Variants in NOL4 observed in about 807,000 individuals in gnomAD.
NOL4 encodes nucleolar protein 4, also known as cancer/testis antigen 125.
In NOL4, 17 loss-of-function variants were observed where a neutral mutation model predicts 75.9. That is an observed-to-expected ratio of 0.22 (90% confidence interval 0.15 to 0.34). The LOEUF is 0.34. Among genes scored for constraint, NOL4 ranks in the 10% least tolerant of loss-of-function variants. The pLI is 1.00. For synonymous variants in NOL4, 292 were observed against 289.9 expected (o/e 1.01, Z -0.07); for missense variants, 614 against 793.5 (o/e 0.77, Z 2.72).
chr18:33,957,843 C>T lies in NOL4; in HGVS notation c.1237-326G>A, dbSNP rs531240779. The stretch of plus-strand genomic sequence containing the variant: ...TTACAATCTCTATTAATGATGAATA[C>T]GACTGTTACATTGCTACACTGCACA... On this transcript the variant is annotated intron_variant, in intron 7 of 10. Coordinates refer to ENST00000261592, the MANE Select transcript of NOL4 (RefSeq NM_003787.5). Among the ~76,000 whole-genome samples, 129 of 152,218 alleles carry T rather than the reference C, an allele frequency of 8.5e-4. 1 individual carries two copies. The highest frequency in any genetic ancestry group is 1.6e-3 in the Non-Finnish European group (108 of 68,018).
intron 9 of NOL4, among the ~76,000 whole-genome samples, chr18:33,915,352 G>C (rs1449255537): frequency 2.0e-5 from 3 of 152,090 alleles, no homozygotes; most frequent in African/African-American, 7.2e-5. Context: ...CTGTTGTAAA[G>C]GGAAAGAGAA....
intron 1 of NOL4, among the ~76,000 whole-genome samples, chr18:34,203,683 TCC>T (rs1341203936): frequency 8.2e-5 from 10 of 121,906 alleles, no homozygotes; most frequent in South Asian, 6.0e-4. Flanking sequence ...TCTCTCTCTC[TCC>T]CTCTCTCTCT....
intron 5 of NOL4, among the ~76,000 whole-genome samples, chr18:34,089,975 G>A (rs1022403453): frequency 3.3e-5 from 5 of 151,600 alleles, no homozygotes; most frequent in Non-Finnish European, 7.4e-5. Context: ...CCCTAATATA[G>A]GAAGCTCTAA....
At chr18:33,934,097 C>A (rs537917658) in intron 9 of NOL4, among the ~76,000 whole-genome samples, 29 of 151,016 alleles carry the variant, frequency 1.9e-4, no homozygotes, top group Non-Finnish European at 3.4e-4. Flanking sequence ...TCCATCAGAG[C>A]TCTTGGGTGA....
In NOL4 at chr18:34,105,057, T is replaced by A; in HGVS notation, c.518A>T (p.Asp173Val). Residue 173 changes from aspartate to valine, a missense_variant, in exon 3 of 11, where the codon GAT (aspartate) becomes GTT (valine). This residue lies in a region of NOL4 where 135 missense variants were observed against 220.4 expected (regional missense o/e 0.61). Coordinates refer to ENST00000261592, the MANE Select transcript of NOL4 (RefSeq NM_003787.5). Reference sequence around the variant, plus strand: ...TTTGACACTGCAGCTACCTTTATGATCTGTTCCATCTGGGTTTAAATGCAT... The same window carrying A: ...TTTGACACTGCAGCTACCTTTATGAACTGTTCCATCTGGGTTTAAATGCAT... ...KRMHLNPDGTDHKDNGKPPTL... is the reference protein window; with the variant it reads ...KRMHLNPDGTVHKDNGKPPTL... 6.3e-7 allele frequency: 1 copy of A among 1,599,436 alleles called. No individual in the cohort carries two copies. The highest frequency in any genetic ancestry group is 1.7e-4 in the Middle Eastern group (1 of 6,038).
At chr18:33,959,184 C>T (rs779570831) in intron 6 of NOL4, among the ~76,000 whole-genome samples, 3 of 152,052 alleles carry the variant, frequency 2.0e-5, no homozygotes, top group Non-Finnish European at 4.4e-5. Context: ...AATAATTAAA[C>T]ATCTGAAAAA....
intron 1 of NOL4, among the ~76,000 whole-genome samples, chr18:34,144,437 T>G (rs2081316993): frequency 6.6e-6 from 1 of 152,080 alleles, no homozygotes; most frequent in East Asian, 1.9e-4. Flanking sequence ...CTCAAAAAAC[T>G]AACTCATCTA....
chr18:34,062,000 G>A lies in NOL4; in HGVS notation c.772+31465C>T, dbSNP rs910061582. Among the ~76,000 whole-genome samples the A allele has an allele frequency of 3.3e-5, 5 of 152,076 alleles. No homozygotes were observed. The South Asian group carries it at 6.2e-4, about 19-fold the overall frequency. Reference sequence around the variant, plus strand: ...CAGAATGACATATACTGAGAGAGACGTTAAGCCTACCAAGATAGGAAAAAA... The same window carrying A: ...CAGAATGACATATACTGAGAGAGACATTAAGCCTACCAAGATAGGAAAAAA... On this transcript the variant is annotated intron_variant, in intron 5 of 10. Transcript: ENST00000261592.
intron 6 of NOL4, among the ~76,000 whole-genome samples, chr18:33,974,298 C>G (rs2071320875): frequency 6.6e-6 from 1 of 152,170 alleles, no homozygotes; most frequent in Non-Finnish European, 1.5e-5. Context: ...TAGGGACTTG[C>G]TCTGGAATAG....
intron 8 of NOL4, among the ~76,000 whole-genome samples, chr18:33,946,545 T>C (rs1158136173): frequency 6.6e-6 from 1 of 151,760 alleles, no homozygotes; most frequent in African/African-American, 2.4e-5. Flanking sequence ...CCTAGTGAAC[T>C]ATTATTCACA....
intron 1 of NOL4, among the ~76,000 whole-genome samples, chr18:34,134,346 A>G (rs2080794067): frequency 6.6e-6 from 1 of 151,888 alleles, no homozygotes; most frequent in African/African-American, 2.4e-5. Context: ...ATTTAAAAAT[A>G]TAATTAAAAA....
chr18:33,884,074 C>T (rs1306422107), intron 9 of NOL4, among the ~76,000 whole-genome samples: 1 of 152,006 alleles, frequency 6.6e-6, no homozygotes, highest in African/African-American at 2.4e-5. Context: ...GTACTGCACA[C>T]TTGGAAAATG....
intron 1 of NOL4, chr18:34,222,510 G>A (rs1325815930): frequency 1.1e-6 from 1 of 934,026 alleles, no homozygotes; most frequent in African/African-American, 1.8e-5. Flanking sequence ...TCCACCGCTA[G>A]CGCTACATTC....
At chr18:33,882,095 A>T (rs935876873) in intron 10 of NOL4, among the ~76,000 whole-genome samples, 3 of 152,218 alleles carry the variant, frequency 2.0e-5, no homozygotes, top group African/African-American at 7.2e-5. Context: ...CTAAAACCAT[A>T]AAAACCCTAG....
intron 2 of NOL4, among the ~76,000 whole-genome samples, chr18:34,119,722 C>T (rs940234927): frequency 6.6e-6 from 1 of 151,952 alleles, no homozygotes; most frequent in Non-Finnish European, 1.5e-5. Context: ...CCTGGGTTCA[C>T]GCCATTCTCC....
chr18:33,976,586 T>C (rs1188447579), intron 6 of NOL4, among the ~76,000 whole-genome samples: 1 of 152,208 alleles, frequency 6.6e-6, no homozygotes, highest in Non-Finnish European at 1.5e-5. Context: ...TCAGGATGCC[T>C]ATTGTGAATA....
chr18:33,894,263 G>A (rs538959801), intron 9 of NOL4, among the ~76,000 whole-genome samples: 2 of 152,230 alleles, frequency 1.3e-5, no homozygotes, highest in Non-Finnish European at 2.9e-5. Context: ...ACTGTCTGCA[G>A]TTAAAGGGAA....
At chr18:34,057,461 C>G (rs2076878799) in intron 5 of NOL4, among the ~76,000 whole-genome samples, 1 of 152,102 alleles carries the variant, frequency 6.6e-6, no homozygotes, top group South Asian at 2.1e-4. Context: ...TTGTCCTGAC[C>G]TGGTCAACAT....
intron 4 of NOL4, among the ~76,000 whole-genome samples, chr18:34,100,040 CTTTTTTT>C (rs34923263): frequency 6.9e-6 from 1 of 144,004 alleles, no homozygotes; most frequent in Non-Finnish European, 1.5e-5. Context: ...CTTAGTCTTG[CTTTTTTT>C]TTTTTTTTAA....
Sources: gnomAD v4.1 joint callset for allele counts (sites outside exome capture counted in the v4.1 genomes callset) on GRCh38, gnomAD v4.1.1 for gene constraint, gnomAD v4.1.1 regional missense constraint, MANE v1.5 for transcripts, NCBI Gene and HGNC (gene_info 2026-07-23, HGNC 2026-07-21) for gene names.